Variants in AKAP6 observed in about 807,000 individuals in gnomAD.
The protein encoded by AKAP6 is A-kinase anchor protein 6.
A neutral mutation model predicts 188.5 loss-of-function variants in AKAP6; 58 were observed. The ratio of observed to expected loss-of-function variants is 0.31; its 90% confidence interval spans 0.25 to 0.38. The LOEUF (loss-of-function observed/expected upper bound fraction) is 0.38, where lower values mean the gene tolerates loss of function less well. Ranked by LOEUF, AKAP6 falls within the 10% of genes least tolerant of loss-of-function variation. The pLI, the probability that AKAP6 is intolerant of heterozygous loss-of-function variation, is 1.00. For missense variants in AKAP6, 2,710 were observed against 2,740.0 expected (o/e 0.99, Z 0.24); for synonymous variants, 989 against 998.6 (o/e 0.99, Z 0.18).
intron 10 of AKAP6, chr14:32,734,384 T>C (rs1389382964): frequency 6.6e-6 from 1 of 152,094 alleles, no homozygotes; most frequent in Non-Finnish European, 1.5e-5. Context: ...TGAAATTGTG[T>C]CCCCTGTGCT....
intron 11 of AKAP6, among the ~76,000 whole-genome samples, chr14:32,761,272 C>T (rs1018764020): frequency 1.3e-5 from 2 of 152,104 alleles, no homozygotes; most frequent in African/African-American, 4.8e-5. Context: ...TGACTCTCTT[C>T]CTGCATTCTT....
intron 11 of AKAP6, among the ~76,000 whole-genome samples, chr14:32,741,819 GTT>G (rs34015837): frequency 0.023 from 1,616 of 70,522 alleles, 29 homozygotes; most frequent in African/African-American, 0.08. Flanking sequence ...TAGCCTGTAG[GTT>G]TTTTTTTTTT....
intron 12 of AKAP6, among the ~76,000 whole-genome samples, chr14:32,795,830 G>A (rs1479463342): frequency 6.6e-6 from 1 of 152,170 alleles, no homozygotes; most frequent in Middle Eastern, 3.2e-3. Context: ...AATAGGAAGA[G>A]AGGAAGTCAA....
rs181235066 is a variant in AKAP6 at position 32,804,287 on chromosome 14, A to G, written c.3589-17115A>G. ...AATCTTTCAAAAACACTATCTGATTATCCCATCTTACCTGCTTCTCCAGGC... is the reference window on the plus strand; with the variant it reads ...AATCTTTCAAAAACACTATCTGATTGTCCCATCTTACCTGCTTCTCCAGGC... On this transcript the variant is annotated intron_variant, in intron 12 of 13. Coordinates refer to ENST00000280979, the MANE Select transcript of AKAP6 (RefSeq NM_004274.5). Among the ~76,000 whole-genome samples the G allele has an allele frequency of 3.6e-3, 550 of 152,332 alleles. 4 individuals carry two copies. Among genetic ancestry groups the G allele is most frequent in the African/African-American group, 0.012 (508 of 41,580 alleles).
At chr14:32,740,157 G>T (rs1431047923) in intron 11 of AKAP6, among the ~76,000 whole-genome samples, 1 of 151,940 alleles carries the variant, frequency 6.6e-6, no homozygotes, top group African/African-American at 2.4e-5. Flanking sequence ...ATGCCTGTTT[G>T]CCATTTGTAT....
chr14:32,676,983 G>A (rs932632433), intron 7 of AKAP6, among the ~76,000 whole-genome samples: 5 of 151,956 alleles, frequency 3.3e-5, no homozygotes, highest in African/African-American at 1.2e-4. Flanking sequence ...ACAGGCATGC[G>A]CCCGGGTAAT....
chr14:32,482,317 T>A (rs1299770224), intron 2 of AKAP6, among the ~76,000 whole-genome samples: 1 of 152,170 alleles, frequency 6.6e-6, no homozygotes, highest in African/African-American at 2.4e-5. Context: ...CTCTCCCTTT[T>A]GTTCAGTTTT....
intron 7 of AKAP6, among the ~76,000 whole-genome samples, chr14:32,613,771 T>C (rs1033917259): frequency 6.6e-6 from 1 of 152,168 alleles, no homozygotes; most frequent in African/African-American, 2.4e-5. Flanking sequence ...TCACACATTG[T>C]TCCTCTTCTT....
intron 12 of AKAP6, among the ~76,000 whole-genome samples, chr14:32,785,338 TA>T (rs1050721870): frequency 7.9e-5 from 12 of 152,356 alleles, no homozygotes; most frequent in African/African-American, 2.9e-4. Context: ...TTCTTTTGAA[TA>T]ATTGAAATTT....
intron 9 of AKAP6, chr14:32,726,185 A>G: frequency 5.1e-6 from 5 of 984,228 alleles, no homozygotes; most frequent in Non-Finnish European, 6.0e-6. Flanking sequence ...CAGGACAAAC[A>G]ACACCTGAAG....
chr14:32,406,042 T>A, intron 1 of AKAP6, among the ~76,000 whole-genome samples: 1 of 152,238 alleles, frequency 6.6e-6, no homozygotes, highest in East Asian at 1.9e-4. Flanking sequence ...TAGGTAGCAC[T>A]CTGGAGGCCA....
At chr14:32,379,840 T>C (rs1173406647) in intron 1 of AKAP6, among the ~76,000 whole-genome samples, 2 of 152,188 alleles carry the variant, frequency 1.3e-5, no homozygotes, top group Non-Finnish European at 2.9e-5. Flanking sequence ...CCATTGACAA[T>C]GTCTCCTCCC....
chr14:32,561,152 T>A (rs1327885828), intron 4 of AKAP6, among the ~76,000 whole-genome samples: 1 of 152,190 alleles, frequency 6.6e-6, no homozygotes, highest in Non-Finnish European at 1.5e-5. Flanking sequence ...AAATGAGATG[T>A]TAATTATGTT....
chr14:32,367,751 A>G (rs926570397), intron 1 of AKAP6, among the ~76,000 whole-genome samples: 1 of 152,184 alleles, frequency 6.6e-6, no homozygotes, highest in Non-Finnish European at 1.5e-5. Context: ...CAGCCAGCTC[A>G]GTGAGGTATG....
At chr14:32,332,111 A>G (rs1886552041) in intron 1 of AKAP6, among the ~76,000 whole-genome samples, 1 of 152,066 alleles carries the variant, frequency 6.6e-6, no homozygotes. Flanking sequence ...AGGTGTTATT[A>G]TTCACATTTT....
rs114922104 is a variant in AKAP6, at chr14:32,381,804, C to T, written c.-34-51656C>T. On this transcript the variant is annotated intron_variant, in intron 1 of 13. Coordinates refer to ENST00000280979, the MANE Select transcript of AKAP6 (RefSeq NM_004274.5). The stretch of plus-strand genomic sequence containing the variant: ...AACTTACCTCATCTGGCCCCAAACC[C>T]TCCTCTAATGACTTGTGTACCCAAG... 8.8e-3 allele frequency among the ~76,000 whole-genome samples: 1,332 copies of T among 152,222 alleles called. 22 individuals carry two copies. The highest frequency in any genetic ancestry group is 0.031 in the African/African-American group (1,269 of 41,518).
At chr14:32,421,552 T>C (rs896980073) in intron 1 of AKAP6, among the ~76,000 whole-genome samples, 1 of 152,184 alleles carries the variant, frequency 6.6e-6, no homozygotes, top group Non-Finnish European at 1.5e-5. Context: ...TCTCTGATAA[T>C]CTTTCTTTTT....
intron 2 of AKAP6, among the ~76,000 whole-genome samples, chr14:32,520,974 T>C (rs536724050): frequency 1.9e-4 from 29 of 152,252 alleles, no homozygotes; most frequent in Middle Eastern, 3.4e-3. Context: ...CAGCAGCACA[T>C]CAAAACACTT....
At chr14:32,522,352 C>G (rs973006043) in intron 2 of AKAP6, among the ~76,000 whole-genome samples, 6 of 152,180 alleles carry the variant, frequency 3.9e-5, no homozygotes, top group Admixed American at 2.6e-4. Flanking sequence ...TCTAATTAAA[C>G]TAAAGAGCTT....
Sources: gnomAD v4.1 joint callset for allele counts (sites outside exome capture counted in the v4.1 genomes callset) on GRCh38, gnomAD v4.1.1 for gene constraint, MANE v1.5 for transcripts, NCBI Gene and HGNC (gene_info 2026-07-23, HGNC 2026-07-21) for gene names.